PRTG: variants seen among roughly 807,000 people sequenced by gnomAD.
The protein encoded by PRTG is immunoglobulin superfamily, DCC subclass, member 5.
PRTG carries 67 observed loss-of-function variants against 122.5 expected under a neutral mutation model. The ratio of observed to expected loss-of-function variants is 0.55; its 90% CI spans 0.45 to 0.67. PRTG has a LOEUF of 0.67. Ranked by LOEUF, PRTG falls within the 30% of genes least tolerant of loss-of-function variation. PRTG has a pLI of 0.00. For synonymous variants in PRTG, 554 were observed against 501.1 expected (o/e 1.11, Z -1.41); for missense variants, 1,435 against 1,415.4 (o/e 1.01, Z -0.22).
intron 9 of PRTG, 107 bp downstream of exon 9, chr15:55,675,412 T>C: frequency 2.4e-6 from 2 of 822,802 alleles, no homozygotes; most frequent in Non-Finnish European, 1.8e-6. Context: ...AACATACCTG[T>C]TTTTTAACCA....
In PRTG at chr15:55,637,024, G is replaced by A. The variant is rs766156766; in HGVS notation, c.2623+146C>T. ...TCTTAAAATTGGTGGATGGCTTCCC[G>A]ATGCCCTTTGAACAAAGCCAAAATC... is the stretch of plus-strand genomic sequence containing the variant. On this transcript the variant is annotated intron_variant, in intron 15 of 19. Coordinates refer to ENST00000389286, the MANE Select transcript of PRTG (RefSeq NM_173814.6). 15 of 573,190 alleles carry A rather than the reference G, an allele frequency of 2.6e-5. No individual in the cohort carries two copies. In the South Asian group the frequency reaches 4.4e-4, roughly 17 times the overall value. 35.5% of individuals were successfully genotyped at this position (573,190 alleles called of 1,614,324 possible).
chr15:55,710,344 T>C (rs2030329584), intron 2 of PRTG, among the ~76,000 whole-genome samples: 1 of 152,258 alleles, frequency 6.6e-6, no homozygotes, highest in South Asian at 2.1e-4. Context: ...AATGTTGTTC[T>C]ACATTTTTCA....
intron 11 of PRTG, among the ~76,000 whole-genome samples, chr15:55,666,578 C>T: frequency 6.6e-6 from 1 of 152,190 alleles, no homozygotes; most frequent in East Asian, 1.9e-4. Flanking sequence ...TGTGTTTTAA[C>T]AAGATCTGTG....
chr15:55,622,627 G>A (rs1161310236), intron 18 of PRTG, among the ~76,000 whole-genome samples: 2 of 151,396 alleles, frequency 1.3e-5, no homozygotes, highest in African/African-American at 2.4e-5. Flanking sequence ...TCCTGACCTC[G>A]TGATCCGCCC....
intron 2 of PRTG, among the ~76,000 whole-genome samples, chr15:55,726,147 G>A (rs1475359335): frequency 6.6e-6 from 1 of 151,982 alleles, no homozygotes; most frequent in African/African-American, 2.4e-5. Flanking sequence ...TTCACCATGT[G>A]GGCCAAGATT....
chr15:55,633,565 T>C (rs2059239595), intron 15 of PRTG, among the ~76,000 whole-genome samples: 1 of 152,220 alleles, frequency 6.6e-6, no homozygotes, highest in Non-Finnish European at 1.5e-5. Context: ...TATATGTAAA[T>C]ATGTATAAAC....
chr15:55,680,762 C>A (rs1254974405), intron 4 of PRTG, 134 bp from the exon 5 acceptor site: 1 of 484,710 alleles, frequency 2.1e-6, no homozygotes, highest in East Asian at 3.7e-5. Context: ...ACTCACATAC[C>A]ATCCAATTCA....
intron 2 of PRTG, among the ~76,000 whole-genome samples, chr15:55,729,855 T>C (rs770516907): frequency 6.6e-6 from 1 of 152,184 alleles, no homozygotes; most frequent in Non-Finnish European, 1.5e-5. Context: ...TTTGGACAGA[T>C]GTATCAACAA....
At chr15:55,676,199 T>C (rs1051143954) in intron 8 of PRTG, among the ~76,000 whole-genome samples, 3 of 152,164 alleles carry the variant, frequency 2.0e-5, no homozygotes, top group African/African-American at 7.2e-5. Context: ...AAGTTGTTCT[T>C]TTATTTATAA....
At chr15:55,669,721 T>C (rs2059457804) in intron 11 of PRTG, among the ~76,000 whole-genome samples, 1 of 152,242 alleles carries the variant, frequency 6.6e-6, no homozygotes, top group Admixed American at 6.5e-5. Flanking sequence ...ACTGCATCTC[T>C]GCTAGTCAGT....
chr15:55,682,236 T>C (rs928069471), intron 4 of PRTG, 128 bp downstream of exon 4: 5 of 788,170 alleles, frequency 6.3e-6, no homozygotes, highest in Non-Finnish European at 8.8e-6. Flanking sequence ...AAAATGACCA[T>C]TTTCCAAATA....
At chr15:55,640,315 G>A (rs1479707073) in intron 12 of PRTG, among the ~76,000 whole-genome samples, 1 of 152,202 alleles carries the variant, frequency 6.6e-6, no homozygotes, top group Non-Finnish European at 1.5e-5. Context: ...TAACAGCAAT[G>A]TCATAGGTGA....
At chr15:55,691,206 G>A (rs529182721) in intron 2 of PRTG, among the ~76,000 whole-genome samples, 2 of 150,510 alleles carry the variant, frequency 1.3e-5, no homozygotes, top group Admixed American at 1.3e-4. Flanking sequence ...TGAGGCAGGA[G>A]AATTGCTTGA....
chr15:55,693,007 A>ATTT, intron 2 of PRTG, among the ~76,000 whole-genome samples: 1 of 142,050 alleles, frequency 7.0e-6, no homozygotes, highest in Non-Finnish European at 1.6e-5. Flanking sequence ...CGGCCAGCTA[A>ATTT]TTTTTTTTTT....
intron 11 of PRTG, among the ~76,000 whole-genome samples, chr15:55,645,909 A>C (rs138355330): frequency 0.014 from 2,072 of 152,326 alleles, 52 homozygotes; most frequent in African/African-American, 0.048. Flanking sequence ...CAAAGCCCAG[A>C]AAGGGAAGGA....
intron 4 of PRTG, 72 bp downstream of exon 4, chr15:55,682,292 C>G (rs1340491989): frequency 1.6e-6 from 2 of 1,239,840 alleles, no homozygotes; most frequent in Admixed American, 2.5e-5. Flanking sequence ...CACATTATTA[C>G]AGCAGAGGAG....
At chr15:55,688,491 T>TTCGTACTCA (rs1279168629) in intron 2 of PRTG, among the ~76,000 whole-genome samples, 1 of 152,168 alleles carries the variant, frequency 6.6e-6, no homozygotes, top group African/African-American at 2.4e-5. Context: ...TCCTCAGACC[T>TTCGTACTCA]TCGTACTCAT....
rs1332560870 is a variant in PRTG at position 55,624,363 on chromosome 15, T to C, written c.3072A>G (p.Pro1024=). The C allele has an allele frequency of 6.2e-7, 1 of 1,614,102 alleles. No homozygotes were observed. The highest frequency in any genetic ancestry group is 8.5e-7 in the Non-Finnish European group (1 of 1,179,958). The change falls in exon 18 of 20, where the codon CCA becomes CCG. Residue 1024 remains proline (P), a synonymous_variant. Transcript: ENST00000389286. ...NEESLMPMIM[P]NSFIDAKGGT... is the part of the protein sequence containing the mutation. ...GTACCTTTGCATCAATGAAGCTGTTTGGCATGATCATTGGCATTAAAGATT... is the reference window on the plus strand; with the variant it reads ...GTACCTTTGCATCAATGAAGCTGTTCGGCATGATCATTGGCATTAAAGATT...
At chr15:55,693,183 G>A (rs1190490628) in intron 2 of PRTG, among the ~76,000 whole-genome samples, 2 of 152,124 alleles carry the variant, frequency 1.3e-5, no homozygotes, top group Non-Finnish European at 2.9e-5. Context: ...GTGGCAGGGT[G>A]TGGTGGCTCA....
Sources: allele counts gnomAD v4.1 joint callset (sites outside exome capture counted in the v4.1 genomes callset), GRCh38; gene constraint gnomAD v4.1.1; transcripts MANE v1.5; gene names NCBI Gene and HGNC (gene_info 2026-07-23, HGNC 2026-07-21).